Variants in PCDH9 observed in about 807,000 individuals in gnomAD.
The protein encoded by PCDH9 is protocadherin 9.
In PCDH9, 24 loss-of-function variants were observed where a neutral mutation model predicts 70.6. That is an observed-to-expected ratio of 0.34 (90% CI 0.25 to 0.48). The LOEUF is 0.48. PCDH9 is among the 20% of genes least tolerant of loss of function. The probability of loss-of-function intolerance (pLI) is 0.99; values close to 1 mark genes in which losing one functional copy is unlikely to be tolerated. For synonymous variants in PCDH9, 562 were observed against 558.5 expected (o/e 1.01, Z -0.09); for missense variants, 1,281 against 1,503.6 (o/e 0.85, Z 2.45).
chr13:67,031,997 A>G (rs61959243), intron 2 of PCDH9, among the ~76,000 whole-genome samples: 29 of 152,342 alleles, frequency 1.9e-4, no homozygotes, highest in Non-Finnish European at 4.0e-4. Flanking sequence ...ATAAGTCTCA[A>G]TAAGAGGAGG....
chr13:66,786,953 G>C (rs1430278659), intron 3 of PCDH9, among the ~76,000 whole-genome samples: 1 of 152,096 alleles, frequency 6.6e-6, no homozygotes, highest in Non-Finnish European at 1.5e-5. Flanking sequence ...AAAGTACAAA[G>C]AAGACAATAC....
intron 3 of PCDH9, among the ~76,000 whole-genome samples, chr13:66,774,512 G>C (rs1322653652): frequency 6.6e-6 from 1 of 152,134 alleles, no homozygotes; most frequent in Non-Finnish European, 1.5e-5. Context: ...TTTAACATAT[G>C]AGCAAAGCAT....
chr13:67,034,144 C>G (rs571150482), intron 2 of PCDH9, among the ~76,000 whole-genome samples: 87 of 152,132 alleles, frequency 5.7e-4, no homozygotes, highest in African/African-American at 2.0e-3. Context: ...GCCACCACAC[C>G]TGGCTAATTT....
In PCDH9 at chr13:66,995,772, C is replaced by T. The variant is rs1052445484; in HGVS notation, c.3037-92167G>A. On this transcript the variant is annotated intron_variant, in intron 2 of 4. Coordinates refer to ENST00000377865, the MANE Select transcript of PCDH9 (RefSeq NM_203487.3). ...TGAAAAATTATGTATATCAAATATA[C>T]TCGAGCAGTTCAGAGAGAACATATC... is the stretch of plus-strand genomic sequence containing the variant. Among the ~76,000 whole-genome samples, 9 of 152,260 alleles carry T rather than the reference C, an allele frequency of 5.9e-5. No individual in the cohort carries two copies. The South Asian group carries it at 1.9e-3, about 32-fold the overall frequency.
intron 3 of PCDH9, among the ~76,000 whole-genome samples, chr13:66,794,932 T>C (rs1594070781): frequency 6.7e-6 from 1 of 148,644 alleles, no homozygotes; most frequent in Admixed American, 6.8e-5. Context: ...GTGTCACTAA[T>C]CAGACAGTTT....
chr13:66,587,158 C>A (rs1413879969), intron 4 of PCDH9, among the ~76,000 whole-genome samples: 2 of 151,728 alleles, frequency 1.3e-5, no homozygotes, highest in African/African-American at 4.8e-5. Context: ...ATTAGCTGGG[C>A]ATGGTGGCAA....
At position 66,354,095 on chromosome 13, in the gene PCDH9, C is replaced by T. The variant is rs532546726; in HGVS notation, c.3341-49067G>A. ...TCTACTTCTCTCTTATCACTTTATT[C>T]GTAACCACATGCTTTATAAGCTTGG... On this transcript the variant is annotated intron_variant, in intron 4 of 4. Transcript: ENST00000377865. 8.5e-5 allele frequency among the ~76,000 whole-genome samples: 13 copies of T among 152,264 alleles called. No individual in the cohort carries two copies. The South Asian group carries it at 2.7e-3, about 32-fold the overall frequency.
intron 4 of PCDH9, among the ~76,000 whole-genome samples, chr13:66,511,471 C>A (rs1229015404): frequency 6.6e-6 from 1 of 151,494 alleles, no homozygotes; most frequent in Non-Finnish European, 1.5e-5. Flanking sequence ...TTACATAGTC[C>A]CTGGAATGTT....
chr13:66,423,175 C>A (rs776246965), intron 4 of PCDH9, among the ~76,000 whole-genome samples: 3 of 151,850 alleles, frequency 2.0e-5, no homozygotes, highest in Admixed American at 2.0e-4. Flanking sequence ...AACAGCCTAC[C>A]AACCAAAAAA....
chr13:66,564,586 T>G (rs889043384), intron 4 of PCDH9, among the ~76,000 whole-genome samples: 3 of 151,990 alleles, frequency 2.0e-5, no homozygotes, highest in African/African-American at 7.3e-5. Flanking sequence ...CAAACTAAAA[T>G]CAACAGCCTT....
intron 3 of PCDH9, among the ~76,000 whole-genome samples, chr13:66,839,521 A>G (rs2081080501): frequency 6.6e-6 from 1 of 152,144 alleles, no homozygotes; most frequent in South Asian, 2.1e-4. Flanking sequence ...TGCGATGGGT[A>G]CTTGCAGTGG....
intron 2 of PCDH9, among the ~76,000 whole-genome samples, chr13:66,989,497 A>T (rs2083959179): frequency 6.6e-6 from 1 of 151,922 alleles, no homozygotes; most frequent in Non-Finnish European, 1.5e-5. Flanking sequence ...TTCCTCAACT[A>T]ATTTTATCAA....
At chr13:66,902,529 G>T (rs1287216817) in intron 3 of PCDH9, among the ~76,000 whole-genome samples, 1 of 151,212 alleles carries the variant, frequency 6.6e-6, no homozygotes, top group Non-Finnish European at 1.5e-5. Context: ...TGAAGGGAAT[G>T]GAGGGGACCT....
intron 3 of PCDH9, among the ~76,000 whole-genome samples, chr13:66,753,336 T>G (rs1043149891): frequency 6.6e-6 from 1 of 152,092 alleles, no homozygotes; most frequent in Non-Finnish European, 1.5e-5. Flanking sequence ...GTATAATAAA[T>G]CATTTCAAAT....
chr13:66,717,480 AATAT>A (rs1169570608), intron 3 of PCDH9, among the ~76,000 whole-genome samples: 14 of 44,434 alleles, frequency 3.2e-4, no homozygotes, highest in African/African-American at 9.7e-4. Flanking sequence ...AAAAAAAAAA[AATAT>A]ATATATATAT....
At chr13:66,729,534 CA>C (rs1404957119) in intron 3 of PCDH9, among the ~76,000 whole-genome samples, 1 of 152,174 alleles carries the variant, frequency 6.6e-6, no homozygotes, top group Non-Finnish European at 1.5e-5. Flanking sequence ...CCAAACTTCT[CA>C]AAATGTTTTA....
At chr13:67,167,372 C>T (rs552051791) in intron 2 of PCDH9, among the ~76,000 whole-genome samples, 2 of 152,226 alleles carry the variant, frequency 1.3e-5, no homozygotes, top group Admixed American at 6.5e-5. Context: ...ATTGTGCGGA[C>T]TCAAGACACT....
intron 4 of PCDH9, among the ~76,000 whole-genome samples, chr13:66,437,331 C>T (rs1458130087): frequency 2.3e-5 from 3 of 129,382 alleles, no homozygotes; most frequent in South Asian, 2.7e-4. Flanking sequence ...GACGTGAACC[C>T]GGGAGGCGAG....
chr13:67,152,305 A>G (rs141458495), intron 2 of PCDH9, among the ~76,000 whole-genome samples: 9 of 152,322 alleles, frequency 5.9e-5, no homozygotes, highest in African/African-American at 9.6e-5. Context: ...TATGAAATCC[A>G]CTGGTTCCAG....
Sources: gnomAD v4.1 joint callset for allele counts (sites outside exome capture counted in the v4.1 genomes callset) on GRCh38, gnomAD v4.1.1 for gene constraint, MANE v1.5 for transcripts, NCBI Gene and HGNC (gene_info 2026-07-23, HGNC 2026-07-21) for gene names.